Variants in PAPOLG observed in about 807,000 individuals in gnomAD.
PAPOLG encodes poly(A) polymerase gamma, also known as PAP-gamma.
In PAPOLG, 40 loss-of-function variants were observed where a neutral mutation model predicts 99.0. The observed-to-expected ratio is 0.40, with a 90% CI of 0.31 to 0.53. The LOEUF (loss-of-function observed/expected upper bound fraction) is 0.53. Ranked by LOEUF, PAPOLG falls within the 20% of genes least tolerant of loss-of-function variation. PAPOLG has a pLI of 0.41. For synonymous variants in PAPOLG, 310 were observed against 299.3 expected, an observed-to-expected ratio of 1.04 and a Z score of -0.37; for missense variants, 675 against 884.1, an observed-to-expected ratio of 0.76 and a Z score of 3.00.
chr2:60,767,298 G>A (rs1380549824), intron 3 of PAPOLG, among the ~76,000 whole-genome samples: 1 of 151,924 alleles, frequency 6.6e-6, no homozygotes, highest in Non-Finnish European at 1.5e-5. Flanking sequence ...TGGGCTTTTG[G>A]AACTAGCTCT....
At chr2:60,791,286 T>A (rs996188692) in intron 15 of PAPOLG, among the ~76,000 whole-genome samples, 3 of 151,716 alleles carry the variant, frequency 2.0e-5, no homozygotes, top group Non-Finnish European at 4.4e-5. Flanking sequence ...CACGGTGGCT[T>A]ACGCCTATAA....
intron 17 of PAPOLG, among the ~76,000 whole-genome samples, 193 bp downstream of exon 17, chr2:60,792,482 A>G (rs981716032): frequency 5.9e-5 from 9 of 152,230 alleles, no homozygotes; most frequent in Non-Finnish European, 1.3e-4. Context: ...TTATGAGCAT[A>G]TGGGACTAGA....
chr2:60,777,498 C>CT (rs1326207763), intron 8 of PAPOLG, among the ~76,000 whole-genome samples: 6 of 152,052 alleles, frequency 3.9e-5, no homozygotes, highest in African/African-American at 1.2e-4. Context: ...AGCAGTTTTA[C>CT]TTTTTTTGTC....
At chr2:60,780,398 C>A (rs1043626887) in intron 9 of PAPOLG, among the ~76,000 whole-genome samples, 4 of 151,914 alleles carry the variant, frequency 2.6e-5, no homozygotes, top group African/African-American at 9.7e-5. Flanking sequence ...ACCTCAGCCT[C>A]CTGAGTACCT....
chr2:60,794,912 G>A, intron 20 of PAPOLG, 52 bp from the exon 21 acceptor site: 1 of 1,602,380 alleles, frequency 6.2e-7, no homozygotes, highest in East Asian at 2.2e-5. Flanking sequence ...AGAAATAAGT[G>A]TTTGCATATA....
chr2:60,763,790 C>T (rs1187609734), intron 3 of PAPOLG, among the ~76,000 whole-genome samples: 1 of 151,316 alleles, frequency 6.6e-6, no homozygotes, highest in Non-Finnish European at 1.5e-5. Context: ...AGGTGTGAGC[C>T]ATCACACCTG....
chr2:60,792,042 A>T (rs1464304837), intron 16 of PAPOLG, 87 bp from the exon 17 acceptor site: 1 of 1,470,998 alleles, frequency 6.8e-7, no homozygotes. Flanking sequence ...CACAAGAGAT[A>T]ATTTGCTTAA....
intron 3 of PAPOLG, among the ~76,000 whole-genome samples, chr2:60,763,460 G>A (rs12465044): frequency 0.12 from 17,519 of 151,978 alleles, 998 homozygotes; most frequent in Middle Eastern, 0.14. Context: ...CTGCAGATGT[G>A]GAAACTGCAG....
chr2:60,761,865 G>A, intron 3 of PAPOLG, 58 bp downstream of exon 3: 1 of 1,215,684 alleles, frequency 8.2e-7, no homozygotes, highest in Non-Finnish European at 1.2e-6. Flanking sequence ...CATTCATCCT[G>A]GCAATAAGAT....
chr2:60,760,135 A>AACACCGACGCTGGAC lies in PAPOLG; in HGVS notation c.25_26insACGCTGGACACACCG (p.Thr8_Val9insAspAlaGlyHisThr). ...CATTTTTCTTATTTTCTTGAACAGA[A>AACACCGACGCTGGAC]ACACCGTGCTGGACAGCCAGCGTCA... On this transcript the variant is annotated inframe_insertion and splice_region_variant, in exon 2 of 22. Coordinates refer to ENST00000238714, the MANE Select transcript of PAPOLG (RefSeq NM_022894.4). 6.2e-7 allele frequency: 1 copy of AACACCGACGCTGGAC among 1,613,226 alleles called. No individual in the cohort carries two copies. Among genetic ancestry groups the AACACCGACGCTGGAC allele is most frequent in the South Asian group, 1.1e-5 (1 of 90,894 alleles).
At chr2:60,780,884 C>A in intron 10 of PAPOLG, 105 bp downstream of exon 10, 1 of 911,666 alleles carries the variant, frequency 1.1e-6, no homozygotes, top group Non-Finnish European at 1.8e-6. Flanking sequence ...GTTCTTCCTT[C>A]TATATAACTA....
intron 1 of PAPOLG, 32 bp downstream of exon 1, chr2:60,756,527 GC>G: frequency 6.3e-7 from 1 of 1,579,692 alleles, no homozygotes; most frequent in Non-Finnish European, 8.6e-7. Context: ...TTGGGGTGAG[GC>G]GGGTAGGGGT....
intron 5 of PAPOLG, 23 bp from the exon 6 acceptor site, chr2:60,770,435 A>G: frequency 6.3e-7 from 1 of 1,576,878 alleles, no homozygotes; most frequent in Non-Finnish European, 8.6e-7. Flanking sequence ...CCTATGTGTT[A>G]TAATTGTTTT....
Position 60,797,308 on chromosome 2 carries a change from T to C in PAPOLG, c.*148T>C. 2 of 934,702 alleles carry C rather than the reference T, an allele frequency of 2.1e-6. No homozygotes were observed. The highest frequency in any genetic ancestry group is 1.6e-6 in the Non-Finnish European group (1 of 623,268). 57.9% of individuals were successfully genotyped at this position (934,702 alleles called of 1,614,324 possible). On this transcript the variant is annotated 3_prime_UTR_variant, in exon 22 of 22. Transcript: ENST00000238714. Reference sequence around the variant, plus strand: ...AATAACCTTGAAGTGGTTTTTGAACTGTCAAACTTTGACCTGTAGATGCTG... The same window carrying C: ...AATAACCTTGAAGTGGTTTTTGAACCGTCAAACTTTGACCTGTAGATGCTG...
intron 3 of PAPOLG, among the ~76,000 whole-genome samples, chr2:60,765,764 A>G (rs1477179688): frequency 2.0e-5 from 3 of 152,208 alleles, no homozygotes; most frequent in Non-Finnish European, 2.9e-5. Flanking sequence ...AATGTGAACT[A>G]AAAGATTTTT....
chr2:60,760,321 T>G (rs758716061), intron 2 of PAPOLG, 26 bp downstream of exon 2: 1 of 1,565,660 alleles, frequency 6.4e-7, no homozygotes, highest in East Asian at 2.2e-5. Flanking sequence ...CCATAAAATA[T>G]TTGACAGTGC....
chr2:60,798,437 C>A lies in PAPOLG; in HGVS notation c.*1277C>A, dbSNP rs1309485265. 4 of 152,592 alleles carry A rather than the reference C, an allele frequency of 2.6e-5. No individual in the cohort carries two copies. Among genetic ancestry groups the A allele is most frequent in the African/African-American group, 9.7e-5 (4 of 41,386 alleles). 9.5% of individuals were successfully genotyped at this position (152,592 alleles called of 1,614,324 possible). The stretch of plus-strand genomic sequence containing the variant: ...GTATTTTTGTATGTACTGTAAGATA[C>A]CATCTTTTCAAAGAGAAACGTTTAA... On this transcript the variant is annotated 3_prime_UTR_variant, in exon 22 of 22. Transcript: ENST00000238714.
At chr2:60,767,212 T>C (rs1670705374) in intron 3 of PAPOLG, among the ~76,000 whole-genome samples, 1 of 152,136 alleles carries the variant, frequency 6.6e-6, no homozygotes, top group Non-Finnish European at 1.5e-5. Context: ...TATCTGACTG[T>C]TATCATTGGA....
intron 9 of PAPOLG, 145 bp downstream of exon 9, chr2:60,779,920 G>A: frequency 1.5e-6 from 1 of 683,908 alleles, no homozygotes; most frequent in Non-Finnish European, 2.3e-6. Flanking sequence ...CAACTTTGAG[G>A]CAATGGTGGG....
Sources: allele counts gnomAD v4.1 joint callset (sites outside exome capture counted in the v4.1 genomes callset), GRCh38; gene constraint gnomAD v4.1.1; transcripts MANE v1.5; gene names NCBI Gene and HGNC (gene_info 2026-07-23, HGNC 2026-07-21).